USP36: variants seen among roughly 807,000 people sequenced by gnomAD.
The protein encoded by USP36 is ubiquitin carboxyl-terminal hydrolase 36.
USP36 carries 59 observed loss-of-function variants against 111.5 expected under a neutral mutation model. That is an observed-to-expected ratio of 0.53 (90% confidence interval 0.43 to 0.66). The LOEUF is 0.66. USP36 is among the 30% of genes least tolerant of loss of function. The pLI, the probability that USP36 is intolerant of heterozygous loss-of-function variation, is 0.00. For missense variants in USP36, 1,488 were observed against 1,468.0 expected (o/e 1.01, Z -0.22); for synonymous variants, 628 against 581.0 (o/e 1.08, Z -1.16).
intron 8 of USP36, among the ~76,000 whole-genome samples, chr17:78,820,335 G>C (rs1244363582): frequency 6.6e-6 from 1 of 152,164 alleles, no homozygotes; most frequent in Non-Finnish European, 1.5e-5. Context: ...AAATTAGCCA[G>C]GCGTGGTGGT....
chr17:78,829,000 C>T lies in USP36; in HGVS notation c.483G>A (p.Gln161=), dbSNP rs1025896131. ...LSKEHARSCH[Q]GSFCMLCVMQ... ...TGACACACAGCATGCAGAAGCTTCC[C>T]TGGTGGCCTGCCGGCGTGGAAGGAG... is the stretch of plus-strand genomic sequence containing the variant. Residue 161 remains glutamine (Q), a synonymous_variant, in exon 5 of 21, where the codon CAG becomes CAA. Transcript: ENST00000449938. 1.2e-6 allele frequency: 2 copies of T among 1,612,092 alleles called. No homozygotes were observed. Among genetic ancestry groups the T allele is most frequent in the Admixed American group, 3.3e-5 (2 of 59,752 alleles).
chr17:78,821,574 T>C (rs1279771331), intron 7 of USP36, among the ~76,000 whole-genome samples: 1 of 151,360 alleles, frequency 6.6e-6, no homozygotes, highest in East Asian at 1.9e-4. Flanking sequence ...ATTGCAGGCA[T>C]GTGCCACCGC....
In USP36 at chr17:78,835,355, T is replaced by C; in HGVS notation, c.400A>G (p.Asn134Asp). The change falls in exon 4 of 21, where the codon AAT becomes GAT. Residue 134 changes from asparagine (N) to aspartate (D), a missense_variant. Physicochemically the swap from Asn to Asp is conservative, Grantham distance 23. Transcript: ENST00000449938. ...LHNLGNTCFLNATIQCLTYTP... is the reference protein window; with the variant it reads ...LHNLGNTCFLDATIQCLTYTP... ...TAGGTCAAGCACTGGATGGTGGCAT[T>C]GAGAAAGCAGGTGTTGCCAAGGTTG... 6.2e-7 allele frequency: 1 copy of C among 1,614,138 alleles called. No individual in the cohort carries two copies. The highest frequency in any genetic ancestry group is 1.1e-5 in the South Asian group (1 of 91,086).
chr17:78,811,968 T>G (rs1210188365), intron 13 of USP36, among the ~76,000 whole-genome samples: 1 of 152,154 alleles, frequency 6.6e-6, no homozygotes, highest in Non-Finnish European at 1.5e-5. Context: ...ACAGGAGAAT[T>G]GCTTGGGCTG....
intron 6 of USP36, among the ~76,000 whole-genome samples, chr17:78,823,469 G>A (rs2094379408): frequency 6.6e-6 from 1 of 152,216 alleles, no homozygotes; most frequent in Non-Finnish European, 1.5e-5. Flanking sequence ...GAGGAGGAAA[G>A]GCAAGCTGAG....
chr17:78,801,981 C>G (rs1243129518), intron 17 of USP36, among the ~76,000 whole-genome samples: 2 of 152,096 alleles, frequency 1.3e-5, no homozygotes, highest in African/African-American at 2.4e-5. Context: ...TGGTAGGGTC[C>G]CAGGGCCCTC....
rs149178219 is a variant in USP36, at chr17:78,800,755, C to T, written c.3023-987G>A. On this transcript the variant is annotated intron_variant, in intron 17 of 20. Coordinates refer to ENST00000449938, the MANE Select transcript of USP36 (RefSeq NM_001385174.1). ...CTGCAAGAGCCCATGCGGCCCCCAG[C>T]GCCTCCTTGCTGAGCATGAGCCCTT... 2.0e-5 allele frequency among the ~76,000 whole-genome samples: 3 copies of T among 152,308 alleles called. No homozygotes were observed. In the East Asian group the frequency reaches 5.8e-4, roughly 29 times the overall value.
intron 10 of USP36, among the ~76,000 whole-genome samples, chr17:78,816,759 G>A (rs1193946284): frequency 2.0e-5 from 3 of 152,092 alleles, no homozygotes; most frequent in Non-Finnish European, 2.9e-5. Flanking sequence ...TTAGAGTTGT[G>A]AGCCATTGTG....
At chr17:78,817,646 C>T (rs1339001755) in intron 10 of USP36, among the ~76,000 whole-genome samples, 6 of 151,418 alleles carry the variant, frequency 4.0e-5, no homozygotes, top group African/African-American at 1.5e-4. Context: ...CCCAACTACT[C>T]TGGAGGCTGA....
downstream of USP36, among the ~76,000 whole-genome samples, chr17:78,790,653 C>T (rs1359549650): frequency 6.6e-6 from 1 of 152,148 alleles, no homozygotes; most frequent in Non-Finnish European, 1.5e-5. Flanking sequence ...TCCTGAAGTG[C>T]TGGAATTACA....
At chr17:78,802,683 G>A (rs537012288) in intron 16 of USP36, 148 bp from the exon 17 acceptor site, 60 of 768,206 alleles carry the variant, frequency 7.8e-5, no homozygotes, top group Admixed American at 5.0e-4. Flanking sequence ...CCCCCCACAC[G>A]CATTAGCGGA....
intron 13 of USP36, among the ~76,000 whole-genome samples, chr17:78,808,019 A>G (rs1045240018): frequency 3.9e-5 from 6 of 152,152 alleles, no homozygotes; most frequent in Non-Finnish European, 7.4e-5. Flanking sequence ...ACATATCTTT[A>G]TGGCCACCTT....
intron 5 of USP36, among the ~76,000 whole-genome samples, chr17:78,827,779 T>C (rs2067701956): frequency 6.6e-6 from 1 of 152,264 alleles, no homozygotes; most frequent in Admixed American, 6.5e-5. Flanking sequence ...CATGATGGCA[T>C]GTGCCTGTAG....
chr17:78,790,238 C>T (rs1194126120), intron 3 of USP36, among the ~76,000 whole-genome samples: 1 of 151,884 alleles, frequency 6.6e-6, no homozygotes, highest in Non-Finnish European at 1.5e-5. Context: ...TACAGGCACC[C>T]ACCACCACGC....
At chr17:78,811,908 G>A (rs1211681105) in intron 13 of USP36, among the ~76,000 whole-genome samples, 2 of 152,034 alleles carry the variant, frequency 1.3e-5, no homozygotes, top group African/African-American at 2.4e-5. Context: ...ACACGCTTAC[G>A]GTTAAGAGTT....
Position 78,821,971 on chromosome 17 carries a change from G to C in USP36, c.723C>G (p.Val241=). 6.2e-7 allele frequency: 1 copy of C among 1,614,144 alleles called. No individual in the cohort carries two copies. Among genetic ancestry groups the C allele is most frequent in the Non-Finnish European group, 8.5e-7 (1 of 1,180,020 alleles). The stretch of plus-strand genomic sequence containing the variant: ...TGAGATACCCTCCAAAAATTTGATG[G>C]ACCAAGGTAGTAGCCTGCGTTTGAC... ...LDRQTQATTL[V]HQIFGGYLRS... is the part of the protein sequence containing the mutation. The change falls in exon 7 of 21, where the codon GTC becomes GTG. Residue 241 remains valine, a synonymous_variant. Transcript: ENST00000449938.
At chr17:78,821,854 C>G in intron 7 of USP36, 83 bp downstream of exon 7, 1 of 1,516,760 alleles carries the variant, frequency 6.6e-7, no homozygotes. Context: ...GAAAGAGCCC[C>G]AGCCTGCGTT....
downstream of USP36, among the ~76,000 whole-genome samples, chr17:78,791,129 CTTTTTTTTTTTT>C (rs10522788): frequency 0.16 from 19,822 of 121,312 alleles, 1,712 homozygotes; most frequent in Admixed American, 0.29. Context: ...ATCTGGCCTT[CTTTTTTTTTTTT>C]TTTTTTTTTT....
chr17:78,819,993 C>T lies in USP36; in HGVS notation c.848G>A (p.Arg283His), dbSNP rs757533435. 8.1e-6 allele frequency: 13 copies of T among 1,614,114 alleles called. No homozygotes were observed. The highest frequency in any genetic ancestry group is 1.3e-5 in the African/African-American group (1 of 75,028). The change falls in exon 9 of 21, where the codon CGT (arginine) becomes CAT (histidine). Residue 283 changes from arginine (R) to histidine (H), a missense_variant. By Grantham distance (29) the Arg-to-His change is conservative. Transcript: ENST00000449938. ...LEIRQAANIV[R>H]ALELFVKADV... Reference sequence around the variant, plus strand: ...TGCTTTCACAAAAAGTTCCAGAGCACGCACAATATTCGCAGCTTGCTGAGG... The same window carrying T: ...TGCTTTCACAAAAAGTTCCAGAGCATGCACAATATTCGCAGCTTGCTGAGG...
Sources: allele counts gnomAD v4.1 joint callset (sites outside exome capture counted in the v4.1 genomes callset), GRCh38; gene constraint gnomAD v4.1.1; transcripts MANE v1.5; gene names NCBI Gene and HGNC (gene_info 2026-07-23, HGNC 2026-07-21).